The following RNF180 variants were observed in gnomAD, a reference collection of about 807,000 sequenced individuals.
RNF180 encodes ring finger protein 180.
A neutral mutation model predicts 59.2 loss-of-function variants in RNF180; 38 were observed. The ratio of observed to expected loss-of-function variants is 0.64; its 90% CI spans 0.50 to 0.84. The LOEUF is 0.84. Ranked by LOEUF, RNF180 falls within the 40% of genes least tolerant of loss-of-function variation. The probability of loss-of-function intolerance (pLI) is 0.00; values close to 1 mark genes in which losing one functional copy is unlikely to be tolerated. For synonymous variants in RNF180, 262 were observed against 240.3 expected, an observed-to-expected ratio of 1.09 and a Z score of -0.84; for missense variants, 705 against 700.9, an observed-to-expected ratio of 1.01 and a Z score of -0.07.
Position 64,214,321 on chromosome 5 carries a change from T to C in RNF180, c.995T>C (p.Leu332Pro), listed in dbSNP as rs779038078. 6.2e-6 allele frequency: 10 copies of C among 1,613,966 alleles called. No individual in the cohort carries two copies. In the East Asian group the frequency reaches 2.0e-4, roughly 32 times the overall value. Reference protein sequence around the residue: ...DHTNTNNLTFLMDLPSAGRSM... With the variant: ...DHTNTNNLTFPMDLPSAGRSM... ...ACTAATACTAACAATCTGACTTTCC[T>C]GATGGACCTGCCCTCAGCTGGCAGG... Residue 332 changes from leucine to proline, a missense_variant, in exon 4 of 8, where the codon CTG becomes CCG. Physicochemically the swap from Leu to Pro is moderately conservative, Grantham distance 98 (BLOSUM62 -3). Coordinates refer to ENST00000389100, the MANE Select transcript of RNF180 (RefSeq NM_001113561.2).
Position 64,318,544 on chromosome 5 carries a change from A to G in RNF180, c.1228-6642A>G, listed in dbSNP as rs987704189. 2.6e-5 allele frequency among the ~76,000 whole-genome samples: 4 copies of G among 152,196 alleles called. No individual in the cohort carries two copies. The East Asian group carries it at 7.7e-4, about 29-fold the overall frequency. On this transcript the variant is annotated intron_variant, in intron 5 of 7. Transcript: ENST00000389100. ...AAACCACAAATAAGGGGGAACTATTATATACACACATACATACATATATAA... is the reference window on the plus strand; with the variant it reads ...AAACCACAAATAAGGGGGAACTATTGTATACACACATACATACATATATAA...
chr5:64,368,740 C>T (rs962534237), intron 7 of RNF180, among the ~76,000 whole-genome samples: 5 of 151,936 alleles, frequency 3.3e-5, no homozygotes, highest in Non-Finnish European at 7.4e-5. Context: ...CAGAGAAATG[C>T]AAATCAAAAC....
At chr5:64,323,008 C>T (rs1203261742) in intron 5 of RNF180, among the ~76,000 whole-genome samples, 1 of 151,814 alleles carries the variant, frequency 6.6e-6, no homozygotes, top group South Asian at 2.1e-4. Flanking sequence ...ACAAAGAGGA[C>T]AATAAGGAAT....
At chr5:64,247,007 A>T (rs1743220695) in intron 5 of RNF180, among the ~76,000 whole-genome samples, 1 of 152,222 alleles carries the variant, frequency 6.6e-6, no homozygotes, top group Non-Finnish European at 1.5e-5. Context: ...AATGACAAAA[A>T]TTACATGATT....
At chr5:64,219,484 C>CT (rs942176891) in intron 5 of RNF180, among the ~76,000 whole-genome samples, 4 of 151,218 alleles carry the variant, frequency 2.6e-5, no homozygotes, top group African/African-American at 9.7e-5. Flanking sequence ...AGTTAGTTGT[C>CT]TTTTTTTTGT....
chr5:64,193,780 G>A (rs1751303373), intron 1 of RNF180, among the ~76,000 whole-genome samples: 1 of 152,110 alleles, frequency 6.6e-6, no homozygotes, highest in African/African-American at 2.4e-5. Flanking sequence ...ATGGGCAATG[G>A]TGGGAAAACA....
At chr5:64,349,328 G>A (rs1418977203) in intron 7 of RNF180, among the ~76,000 whole-genome samples, 1 of 149,746 alleles carries the variant, frequency 6.7e-6, no homozygotes, top group Non-Finnish European at 1.5e-5. Context: ...CATTTTTTTT[G>A]TATTTTATTG....
At chr5:64,179,868 T>G (rs1189424828) in intron 1 of RNF180, among the ~76,000 whole-genome samples, 2 of 152,210 alleles carry the variant, frequency 1.3e-5, no homozygotes, top group Non-Finnish European at 2.9e-5. Context: ...GTTTTTGAGA[T>G]TCTTCTTGTT....
intron 5 of RNF180, among the ~76,000 whole-genome samples, chr5:64,263,092 C>A (rs1032207350): frequency 6.6e-6 from 1 of 152,130 alleles, no homozygotes; most frequent in Non-Finnish European, 1.5e-5. Context: ...GAATAAGTCA[C>A]TTGTCGGAGA....
At chr5:64,266,914 A>T (rs554386980) in intron 5 of RNF180, among the ~76,000 whole-genome samples, 2 of 152,136 alleles carry the variant, frequency 1.3e-5, no homozygotes, top group Non-Finnish European at 2.9e-5. Context: ...CAAAACCTGT[A>T]CTGTTCTGAA....
rs903839150 is a variant in RNF180 at position 64,371,604 on chromosome 5, T to C, written c.*1790T>C. The C allele has an allele frequency of 1.3e-5, 2 of 151,600 alleles. No homozygotes were observed. The highest frequency in any genetic ancestry group is 4.8e-5 in the African/African-American group (2 of 41,388). 9.4% of individuals were successfully genotyped at this position (151,600 alleles called of 1,614,324 possible). Reference sequence around the variant, plus strand: ...TTTATAGATCTCAGTCTACTAAATATTTATGATACCCTTAAATAAACATGA... The same window carrying C: ...TTTATAGATCTCAGTCTACTAAATACTTATGATACCCTTAAATAAACATGA... On this transcript the variant is annotated 3_prime_UTR_variant, in exon 8 of 8. Transcript: ENST00000389100.
intron 5 of RNF180, among the ~76,000 whole-genome samples, chr5:64,241,511 T>G (rs1284064489): frequency 6.6e-6 from 1 of 152,188 alleles, no homozygotes; most frequent in Non-Finnish European, 1.5e-5. Flanking sequence ...GAACCCCAAT[T>G]TATTTGAGCT....
At chr5:64,248,057 G>A (rs183029918) in intron 5 of RNF180, among the ~76,000 whole-genome samples, 18 of 152,238 alleles carry the variant, frequency 1.2e-4, no homozygotes, top group African/African-American at 4.1e-4. Context: ...CTAGCCATAC[G>A]CAGAAAACTG....
chr5:64,208,279 C>T (rs1752124051), intron 2 of RNF180, among the ~76,000 whole-genome samples: 1 of 151,980 alleles, frequency 6.6e-6, no homozygotes, highest in Admixed American at 6.6e-5. Flanking sequence ...CTTTTCCTTC[C>T]TCCTTCCTCC....
intron 5 of RNF180, among the ~76,000 whole-genome samples, chr5:64,275,124 GTTTC>G (rs972097824): frequency 4.0e-5 from 6 of 151,404 alleles, no homozygotes; most frequent in African/African-American, 1.5e-4. Context: ...AAAAATTTAT[GTTTC>G]TTTAAGAATT....
chr5:64,344,179 G>A (rs1302141846), intron 7 of RNF180, among the ~76,000 whole-genome samples: 1 of 151,802 alleles, frequency 6.6e-6, no homozygotes, highest in Non-Finnish European at 1.5e-5. Context: ...AGAAAAACAA[G>A]AACCAATTAT....
chr5:64,212,247 C>G (rs1752349884), intron 3 of RNF180, 87 bp downstream of exon 3: 2 of 757,200 alleles, frequency 2.6e-6, no homozygotes, highest in African/African-American at 3.5e-5. Context: ...TTCTTAGATG[C>G]ATTCCTTGGC....
chr5:64,218,225 G>GT (rs1561197488), intron 5 of RNF180, among the ~76,000 whole-genome samples: 5 of 151,996 alleles, frequency 3.3e-5, no homozygotes, highest in African/African-American at 1.2e-4. Context: ...TTCTCCTATG[G>GT]TTTCTTCAAA....
chr5:64,237,807 TTC>T (rs142219747), intron 5 of RNF180, among the ~76,000 whole-genome samples: 14 of 150,512 alleles, frequency 9.3e-5, no homozygotes, highest in Non-Finnish European at 1.5e-4. Flanking sequence ...TGTCTGGCAC[TTC>T]TCTCTCTCTC....
Sources: allele counts gnomAD v4.1 joint callset (sites outside exome capture counted in the v4.1 genomes callset), GRCh38; gene constraint gnomAD v4.1.1; transcripts MANE v1.5; gene names NCBI Gene and HGNC (gene_info 2026-07-23, HGNC 2026-07-21).